The following SRSF11 variants were observed in gnomAD, a reference collection of about 807,000 sequenced individuals.
SRSF11 encodes the protein serine and arginine rich splicing factor 11.
A neutral mutation model predicts 56.0 loss-of-function variants in SRSF11; 9 were observed. That is an observed-to-expected ratio of 0.16 (90% CI 0.10 to 0.28). The LOEUF (loss-of-function observed/expected upper bound fraction) is 0.28, where lower values mean the gene tolerates loss of function less well. Ranked by LOEUF, SRSF11 falls within the 10% of genes least tolerant of loss-of-function variation. SRSF11 has a pLI of 1.00. For missense variants in SRSF11, 421 were observed against 600.7 expected (o/e 0.70, Z 3.13); for synonymous variants, 222 against 215.3 (o/e 1.03, Z -0.27).
chr1:70,241,993 C>T (rs1450812323), intron 7 of SRSF11, among the ~76,000 whole-genome samples: 2 of 151,976 alleles, frequency 1.3e-5, no homozygotes, highest in African/African-American at 4.8e-5. Context: ...ATAGTGAAAC[C>T]CCGTCTCTCC....
intron 7 of SRSF11, among the ~76,000 whole-genome samples, chr1:70,243,852 C>G (rs1298481414): frequency 1.3e-5 from 2 of 152,064 alleles, no homozygotes; most frequent in East Asian, 3.8e-4. Flanking sequence ...AGTTCAAGAC[C>G]ATCCTGGGCA....
At chr1:70,227,310 A>G (rs1671999268) in intron 1 of SRSF11, among the ~76,000 whole-genome samples, 1 of 152,212 alleles carries the variant, frequency 6.6e-6, no homozygotes, top group African/African-American at 2.4e-5. Flanking sequence ...ATTAAAATAC[A>G]GGATTTTCCT....
rs1678037844 is a variant in SRSF11, at chr1:70,252,095, G to C, written c.*1290G>C. On this transcript the variant is annotated 3_prime_UTR_variant, in exon 12 of 12. Transcript: ENST00000370949. ...CATTTTACAAATTCTTTCCCTTTCT[G>C]TCCACATATTTCAGTATAGTAAAAA... The C allele has an allele frequency of 6.6e-6, 1 of 152,326 alleles. No individual in the cohort carries two copies. Among genetic ancestry groups the C allele is most frequent in the Non-Finnish European group, 1.5e-5 (1 of 67,964 alleles). The allele number at this position is 152,326 out of a possible 1,614,324, so 9.4% of individuals were successfully genotyped here.
intron 7 of SRSF11, among the ~76,000 whole-genome samples, chr1:70,242,107 T>G (rs974139154): frequency 5.3e-4 from 80 of 151,006 alleles, no homozygotes; most frequent in African/African-American, 1.9e-3. Flanking sequence ...AGGCGGGGAT[T>G]GCAGTGAGCC....
intron 7 of SRSF11, among the ~76,000 whole-genome samples, chr1:70,240,718 T>C (rs1199164281): frequency 6.6e-6 from 1 of 152,112 alleles, no homozygotes; most frequent in African/African-American, 2.4e-5. Flanking sequence ...CAGTTGTGGT[T>C]ATTTACTTCA....
Position 70,251,454 on chromosome 1 carries a change from A to G in SRSF11, c.*649A>G, listed in dbSNP as rs1297422938. The G allele has an allele frequency of 6.6e-6, 1 of 152,594 alleles. No homozygotes were observed. Among genetic ancestry groups the G allele is most frequent in the Non-Finnish European group, 1.5e-5 (1 of 68,004 alleles). The allele number at this position is 152,594 out of a possible 1,614,324, so 9.5% of individuals were successfully genotyped here. A position where few individuals can be genotyped will look rare whatever the true frequency, so the allele number is the denominator to read the frequency against. ...GGTTTAAATACAGAAACAAGATTTCAAATAAAACTGTCTTTGGCAGTGAGT... is the reference window on the plus strand; with the variant it reads ...GGTTTAAATACAGAAACAAGATTTCGAATAAAACTGTCTTTGGCAGTGAGT... On this transcript the variant is annotated 3_prime_UTR_variant, in exon 12 of 12. Coordinates refer to ENST00000370949, the MANE Select transcript of SRSF11 (RefSeq NM_001350605.2).
intron 1 of SRSF11, among the ~76,000 whole-genome samples, chr1:70,226,205 T>C (rs1412530041): frequency 1.3e-5 from 2 of 151,178 alleles, no homozygotes; most frequent in Non-Finnish European, 3.0e-5. Flanking sequence ...AAAAAAAAAA[T>C]TTTAATCGAA....
At chr1:70,246,759 A>T (rs1203322391) in intron 8 of SRSF11, 59 bp from the exon 9 acceptor site, 1 of 1,066,386 alleles carries the variant, frequency 9.4e-7, no homozygotes, top group African/African-American at 1.6e-5. Context: ...TTGTAGTGCT[A>T]TATAAATTGG....
intron 1 of SRSF11, among the ~76,000 whole-genome samples, chr1:70,210,292 G>A (rs1014773240): frequency 6.6e-6 from 1 of 151,834 alleles, no homozygotes; most frequent in South Asian, 2.1e-4. Context: ...CAGTAGCTGC[G>A]ACTGTAGGCT....
At chr1:70,241,982 C>A (rs1186441295) in intron 7 of SRSF11, among the ~76,000 whole-genome samples, 1 of 152,098 alleles carries the variant, frequency 6.6e-6, no homozygotes, top group Non-Finnish European at 1.5e-5. Flanking sequence ...GCCTGGCCAA[C>A]ATAGTGAAAC....
chr1:70,232,018 T>C, intron 2 of SRSF11: 14 of 1,521,674 alleles, frequency 9.2e-6, no homozygotes, highest in Non-Finnish European at 1.2e-5. Flanking sequence ...TAGTGTGTAT[T>C]GTGCTATTTT....
intron 1 of SRSF11, among the ~76,000 whole-genome samples, chr1:70,222,071 T>A (rs1267830248): frequency 1.3e-5 from 2 of 152,170 alleles, no homozygotes; most frequent in Non-Finnish European, 2.9e-5. Flanking sequence ...CGGGAAATTT[T>A]TTTTTTCCGC....
At chr1:70,232,205 T>C (rs776173377) in intron 2 of SRSF11, 63 bp from the exon 3 acceptor site, 1 of 1,612,596 alleles carries the variant, frequency 6.2e-7, no homozygotes, top group East Asian at 2.2e-5. Context: ...ATTTTCTGGG[T>C]GTTTTTGTGT....
At chr1:70,228,635 G>C in intron 2 of SRSF11, 80 bp downstream of exon 2, 4 of 1,456,320 alleles carry the variant, frequency 2.7e-6, no homozygotes, top group Non-Finnish European at 3.6e-6. Flanking sequence ...AGCATTAGTA[G>C]CATGTTAAAT....
Position 70,249,938 on chromosome 1 carries a change from A to G in SRSF11, c.1023-14A>G, listed in dbSNP as rs923285757. ...CTGTATTTTAAAACCTAGTTTGCAC[A>G]TTTGTGATTCTAGAGAGAGACGACG... On this transcript the variant is annotated splice_polypyrimidine_tract_variant and intron_variant, in intron 9 of 11. Coordinates refer to ENST00000370949, the MANE Select transcript of SRSF11 (RefSeq NM_001350605.2). 23 of 1,613,586 alleles carry G rather than the reference A, an allele frequency of 1.4e-5. No homozygotes were observed. Among genetic ancestry groups the G allele is most frequent in the African/African-American group, 5.3e-5 (4 of 74,888 alleles).
At chr1:70,250,159 A>G (rs1677675028) in intron 10 of SRSF11, 112 bp downstream of exon 10, 7 of 1,264,288 alleles carry the variant, frequency 5.5e-6, no homozygotes, top group South Asian at 2.8e-5. Flanking sequence ...GAATGTTTTA[A>G]TGTATTCTCC....
chr1:70,228,328 ATC>A (rs1672261624), intron 1 of SRSF11, 92 bp from the exon 2 acceptor site: 1 of 920,636 alleles, frequency 1.1e-6, no homozygotes, highest in Non-Finnish European at 1.6e-6. Flanking sequence ...GGTTTTTTTA[ATC>A]TGTTTTACTT....
In SRSF11 at chr1:70,239,426, C is replaced by A. The variant is rs367939807; in HGVS notation, c.719-13C>A. ...TAACTTCTAAATGCAGGTTCCTTTT[C>A]TTTTAAATATAGATAAGAAAGAAGA... On this transcript the variant is annotated splice_polypyrimidine_tract_variant and intron_variant, in intron 6 of 11. Transcript: ENST00000370949. 3 of 1,584,122 alleles carry A rather than the reference C, an allele frequency of 1.9e-6. No homozygotes were observed. The highest frequency in any genetic ancestry group is 1.1e-5 in the South Asian group (1 of 87,050).
chr1:70,231,540 C>G, intron 2 of SRSF11: 1 of 1,072,190 alleles, frequency 9.3e-7, no homozygotes, highest in Non-Finnish European at 1.1e-6. Flanking sequence ...TGGCACATGG[C>G]GAAACATAAA....
Sources: gnomAD v4.1 joint callset for allele counts (sites outside exome capture counted in the v4.1 genomes callset) on GRCh38, gnomAD v4.1.1 for gene constraint, MANE v1.5 for transcripts, NCBI Gene and HGNC (gene_info 2026-07-23, HGNC 2026-07-21) for gene names.